PLEKHG1: variants seen among roughly 807,000 people sequenced by gnomAD.
The protein encoded by PLEKHG1 is pleckstrin homology domain-containing family G member 1.
PLEKHG1 carries 44 observed loss-of-function variants against 100.8 expected under a neutral mutation model. That is an observed-to-expected ratio of 0.44 (90% confidence interval 0.34 to 0.56). PLEKHG1 has a LOEUF of 0.56. PLEKHG1 is among the 20% of genes least tolerant of loss of function. The pLI is 0.01. For synonymous variants in PLEKHG1, 640 were observed against 662.5 expected, an observed-to-expected ratio of 0.97 and a Z score of 0.52; for missense variants, 1,545 against 1,720.9, an observed-to-expected ratio of 0.90 and a Z score of 1.81.
At chr6:150,747,978 A>G (rs952238027) in intron 2 of PLEKHG1, among the ~76,000 whole-genome samples, 14 of 151,988 alleles carry the variant, frequency 9.2e-5, no homozygotes, top group African/African-American at 3.4e-4. Context: ...AACCATCACC[A>G]CCATGCATCT....
At chr6:150,616,763 G>A (rs9480498) in intron 1 of PLEKHG1, among the ~76,000 whole-genome samples, 3 of 152,076 alleles carry the variant, frequency 2.0e-5, no homozygotes, top group Non-Finnish European at 4.4e-5. Context: ...ACCCTGAAAA[G>A]TAATATGCAC....
intron 3 of PLEKHG1, among the ~76,000 whole-genome samples, chr6:150,681,723 G>A (rs926898185): frequency 3.9e-5 from 6 of 151,998 alleles, no homozygotes; most frequent in Non-Finnish European, 8.8e-5. Flanking sequence ...GCAGAGTCCC[G>A]GTGGTGTCTG....
In PLEKHG1 at chr6:150,628,575, C is replaced by CACACACACAT. The variant is rs754227842; in HGVS notation, c.-203-9503_-203-9502insACACACATAC. 8.0e-3 allele frequency among the ~76,000 whole-genome samples: 1,104 copies of CACACACACAT among 137,412 alleles called. 52 individuals carry two copies. The highest frequency in any genetic ancestry group is 0.015 in the Middle Eastern group (4 of 262). 90.1% of individuals were successfully genotyped at this position (137,412 alleles called of 152,430 possible). A position where few individuals can be genotyped will look rare whatever the true frequency, so the allele number is the denominator to read the frequency against. On this transcript the variant is annotated intron_variant, in intron 1 of 3. Coordinates refer to the PLEKHG1 transcript ENST00000367326. ...ACACACACACACACACACACACACA[C>CACACACACAT]ACCCCGTCCTTGCCCTCCTGCACTG...
intron 2 of PLEKHG1, among the ~76,000 whole-genome samples, chr6:150,762,028 A>G (rs1426323014): frequency 2.6e-5 from 4 of 152,134 alleles, no homozygotes; most frequent in Non-Finnish European, 5.9e-5. Context: ...CCAATGGTTT[A>G]TGTACTGCAA....
chr6:150,676,822 A>G (rs1449002697), intron 3 of PLEKHG1, among the ~76,000 whole-genome samples: 1 of 151,794 alleles, frequency 6.6e-6, no homozygotes. Context: ...CCTATAACCA[A>G]CTCTCTCCCG....
chr6:150,800,337 G>T (rs1422709595), intron 5 of PLEKHG1, among the ~76,000 whole-genome samples: 1 of 152,168 alleles, frequency 6.6e-6, no homozygotes, highest in Non-Finnish European at 1.5e-5. Flanking sequence ...ATAATCTAAC[G>T]CGTGGAAATG....
chr6:150,639,087 G>A lies in PLEKHG1; in HGVS notation c.-158+962G>A, dbSNP rs113465201. ...TTATATTGTACTCACCTTAGAAAGT[G>A]AAAAGAATTCACTTTAGTATATTTT... On this transcript the variant is annotated intron_variant, in intron 2 of 3. Coordinates refer to the PLEKHG1 transcript ENST00000367326. Among the ~76,000 whole-genome samples the A allele has an allele frequency of 1.9e-3, 289 of 152,252 alleles. 1 individual carries two copies. Among genetic ancestry groups the A allele is most frequent in the African/African-American group, 6.6e-3 (273 of 41,538 alleles).
rs374253747 is a variant in PLEKHG1, at chr6:150,722,262, G to T, written c.-99+1062G>T. ...ACGTGACATTTAATCATTTTACATTGTACCTTCTAAATGGCTTTATTTACT... is the reference window on the plus strand; with the variant it reads ...ACGTGACATTTAATCATTTTACATTTTACCTTCTAAATGGCTTTATTTACT... On this transcript the variant is annotated intron_variant, in intron 1 of 15. Coordinates refer to ENST00000358517, the Ensembl canonical transcript of PLEKHG1. Among the ~76,000 whole-genome samples, 205 of 150,522 alleles carry T rather than the reference G, an allele frequency of 1.4e-3. 11 individuals carry two copies. In the South Asian group the frequency reaches 0.04, roughly 29 times the overall value.
intron 4 of PLEKHG1, 110 bp downstream of exon 5, chr6:150,786,569 TA>T (rs1183480682): frequency 2.9e-6 from 2 of 695,506 alleles, no homozygotes; most frequent in African/African-American, 3.6e-5. Flanking sequence ...AGTTAGCCAC[TA>T]ATCTTTCTCT....
At chr6:150,811,715 A>G (rs1787544240) in intron 10 of PLEKHG1, among the ~76,000 whole-genome samples, 2 of 150,424 alleles carry the variant, frequency 1.3e-5, no homozygotes, top group South Asian at 4.2e-4. Context: ...CTGAGTTCTC[A>G]GGGACTGAGG....
rs1787322226 is a variant in PLEKHG1, at chr6:150,809,050, C to A, written c.913-55C>A. 4 of 1,496,382 alleles carry A rather than the reference C, an allele frequency of 2.7e-6. No homozygotes were observed. The South Asian group carries it at 3.5e-5, about 13-fold the overall frequency. 92.7% of individuals were successfully genotyped at this position (1,496,382 alleles called of 1,614,324 possible). On this transcript the variant is annotated intron_variant, in intron 7 of 15. Coordinates refer to ENST00000358517, the Ensembl canonical transcript of PLEKHG1. ...AGGCTCAACAGATGGGCCACCAAGC[C>A]CTTGGTGCCTGGCTTCTGCCTCCTG... is the stretch of plus-strand genomic sequence containing the variant.
intron 7 of PLEKHG1, among the ~76,000 whole-genome samples, chr6:150,806,918 G>A (rs1196949067): frequency 6.6e-6 from 1 of 151,474 alleles, no homozygotes; most frequent in Non-Finnish European, 1.5e-5. Flanking sequence ...TGAGTAGCAT[G>A]ATGAAATCTC....
At chr6:150,777,273 C>T (rs1431255941) in intron 3 of PLEKHG1, among the ~76,000 whole-genome samples, 10 of 146,540 alleles carry the variant, frequency 6.8e-5, no homozygotes, top group Admixed American at 1.4e-4. Context: ...TGCACATGTG[C>T]GGTTGCACAT....
intron 2 of PLEKHG1, among the ~76,000 whole-genome samples, chr6:150,761,099 C>CTTTTTTTTTTT (rs35068801): frequency 4.1e-4 from 39 of 95,902 alleles, no homozygotes; most frequent in African/African-American, 5.0e-4. Context: ...TTCTTTTTTT[C>CTTTTTTTTTTT]TTTTTTTTTT....
Position 150,809,485 on chromosome 6 carries a change from C to G in PLEKHG1, c.1191+9C>G, listed in dbSNP as rs757946901. ...TGCAGCACACAGTCCAGGTAGCAGC[C>G]GGGCCCTGGCCTCTCCGCAAGGCCC... On this transcript the variant is annotated intron_variant, in intron 9 of 15. Coordinates refer to ENST00000358517, the Ensembl canonical transcript of PLEKHG1. The G allele has an allele frequency of 5.0e-6, 8 of 1,608,130 alleles. No homozygotes were observed. In the South Asian group the frequency reaches 8.8e-5, roughly 18 times the overall value.
intron 2 of PLEKHG1, among the ~76,000 whole-genome samples, chr6:150,758,083 A>G (rs1216185145): frequency 6.6e-6 from 1 of 152,104 alleles, no homozygotes. Context: ...TCTATCATTG[A>G]TGGGCATTTG....
chr6:150,648,411 C>CT (rs1400944373), intron 2 of PLEKHG1, among the ~76,000 whole-genome samples: 1 of 152,102 alleles, frequency 6.6e-6, no homozygotes, highest in Non-Finnish European at 1.5e-5. Context: ...TCTCCATACA[C>CT]TGAGAGATGA....
chr6:150,600,000 G>T, exon 1 of PLEKHG1: 1 of 239,732 alleles, frequency 4.2e-6, no homozygotes, highest in Admixed American at 4.4e-5. Flanking sequence ...CCGGGCATGC[G>T]AAGCCGTCCC....
At chr6:150,671,110 T>TATATATATATATAC (rs1491586627) in intron 3 of PLEKHG1, among the ~76,000 whole-genome samples, 1 of 121,962 alleles carries the variant, frequency 8.2e-6, no homozygotes, top group Admixed American at 7.8e-5. Context: ...TATATATATA[T>TATATATATATATAC]ACACACACAC....
Sources: allele counts gnomAD v4.1 joint callset (sites outside exome capture counted in the v4.1 genomes callset), GRCh38; gene constraint gnomAD v4.1.1; transcripts MANE v1.5; gene names NCBI Gene and HGNC (gene_info 2026-07-23, HGNC 2026-07-21).